The following LHFPL6 variants were observed in gnomAD, a reference collection of about 807,000 sequenced individuals.
LHFPL6 encodes LHFPL tetraspan subfamily member 6.
A neutral mutation model predicts 20.6 loss-of-function variants in LHFPL6; 9 were observed. That is an observed-to-expected ratio of 0.44 (90% confidence interval 0.26 to 0.76). The LOEUF (loss-of-function observed/expected upper bound fraction) is 0.76, where lower values mean the gene tolerates loss of function less well. Among genes scored for constraint, LHFPL6 ranks in the 30% least tolerant of loss-of-function variants. The pLI is 0.20. For synonymous variants in LHFPL6, 105 were observed against 98.7 expected (o/e 1.06, Z -0.38); for missense variants, 218 against 253.5 (o/e 0.86, Z 0.95).
At chr13:39,493,385 G>A (rs970031892) in intron 2 of LHFPL6, among the ~76,000 whole-genome samples, 3 of 151,352 alleles carry the variant, frequency 2.0e-5, no homozygotes, top group African/African-American at 7.3e-5. Flanking sequence ...AGCATTATTC[G>A]TAATACAGTA....
chr13:39,534,629 C>T (rs1870562424), intron 2 of LHFPL6, among the ~76,000 whole-genome samples: 1 of 152,248 alleles, frequency 6.6e-6, no homozygotes, highest in East Asian at 1.9e-4. Flanking sequence ...TTATTAAATG[C>T]TTATAAATGC....
At chr13:39,585,612 A>C (rs1288726888) in intron 2 of LHFPL6, among the ~76,000 whole-genome samples, 1 of 152,222 alleles carries the variant, frequency 6.6e-6, no homozygotes, top group Non-Finnish European at 1.5e-5. Context: ...GATAAATAAC[A>C]TTCATTTATT....
chr13:39,505,380 T>C (rs9315692), intron 2 of LHFPL6, among the ~76,000 whole-genome samples: 92,120 of 151,922 alleles, frequency 0.61, 28,465 homozygotes, highest in East Asian at 0.85. Flanking sequence ...AGGCCTACTA[T>C]GCATAAGGAA....
At chr13:39,585,074 C>T (rs527340227) in intron 2 of LHFPL6, among the ~76,000 whole-genome samples, 2 of 152,260 alleles carry the variant, frequency 1.3e-5, no homozygotes, top group African/African-American at 4.8e-5. Flanking sequence ...CCCCACAGCA[C>T]CCCAATACAC....
intron 2 of LHFPL6, among the ~76,000 whole-genome samples, chr13:39,434,207 C>T (rs1479527849): frequency 6.6e-6 from 1 of 152,186 alleles, no homozygotes; most frequent in East Asian, 1.9e-4. Flanking sequence ...AGACCTACTA[C>T]ATGTTGGGTA....
At chr13:39,362,705 A>G (rs1249683335) in intron 3 of LHFPL6, among the ~76,000 whole-genome samples, 3 of 152,224 alleles carry the variant, frequency 2.0e-5, no homozygotes, top group Non-Finnish European at 4.4e-5. Context: ...GAGGCAGCTC[A>G]GTTGGTTCCT....
At chr13:39,560,540 C>A (rs754113225) in intron 2 of LHFPL6, among the ~76,000 whole-genome samples, 3 of 130,136 alleles carry the variant, frequency 2.3e-5, no homozygotes, top group Admixed American at 8.7e-5. Flanking sequence ...TTTGAGACGG[C>A]GTCTCCCTCT....
chr13:39,560,913 C>A (rs1359418797), intron 2 of LHFPL6, among the ~76,000 whole-genome samples: 2 of 152,148 alleles, frequency 1.3e-5, no homozygotes, highest in Admixed American at 1.3e-4. Context: ...TCAAGACTCC[C>A]TGCTGACTGG....
At chr13:39,413,467 G>T (rs199574562) in intron 2 of LHFPL6, among the ~76,000 whole-genome samples, 110,767 of 139,826 alleles carry the variant, frequency 0.79, 44,548 homozygotes, top group South Asian at 0.87. Context: ...ATTGGGGGTA[G>T]GGGGGGTGGG....
At position 39,552,399 on chromosome 13, in the gene LHFPL6, TGTTGG is replaced by T. The variant is rs778607321; in HGVS notation, c.385+48428_385+48432del. ...TTGTTCTTAATGGCACATAAACCAT[TGTTGG>T]ACAGTGACAGTGACACACTGTCACT... On this transcript the variant is annotated intron_variant, in intron 2 of 3. Transcript: ENST00000379589. Among the ~76,000 whole-genome samples, 47 of 152,232 alleles carry T rather than the reference TGTTGG, an allele frequency of 3.1e-4. 1 individual carries two copies. The highest frequency in any genetic ancestry group is 6.8e-3 in the Middle Eastern group (2 of 294).
intron 2 of LHFPL6, among the ~76,000 whole-genome samples, chr13:39,540,890 A>G (rs1870775513): frequency 6.6e-6 from 1 of 152,220 alleles, no homozygotes; most frequent in Non-Finnish European, 1.5e-5. Context: ...TTTTCTCTCA[A>G]ACATTTAGAA....
intron 2 of LHFPL6, among the ~76,000 whole-genome samples, chr13:39,556,926 C>T (rs1199256151): frequency 1.3e-5 from 2 of 152,010 alleles, no homozygotes; most frequent in Admixed American, 6.5e-5. Flanking sequence ...CACACCACTG[C>T]AGTCCAGCCT....
intron 3 of LHFPL6, among the ~76,000 whole-genome samples, chr13:39,368,419 T>G (rs1374982341): frequency 1.3e-5 from 2 of 151,782 alleles, no homozygotes; most frequent in African/African-American, 4.8e-5. Flanking sequence ...CTGTCTCTAT[T>G]AAAAATACAA....
At chr13:39,353,571 C>A (rs1045795325) in intron 3 of LHFPL6, among the ~76,000 whole-genome samples, 22 of 151,646 alleles carry the variant, frequency 1.5e-4, no homozygotes, top group African/African-American at 2.4e-4. Context: ...CTAAAAAAAA[C>A]CAAAAAATTA....
chr13:39,397,574 C>T (rs948726583), intron 2 of LHFPL6, among the ~76,000 whole-genome samples: 2 of 152,218 alleles, frequency 1.3e-5, no homozygotes, highest in African/African-American at 4.8e-5. Context: ...AAAGTAAGGT[C>T]ATATATCCCT....
chr13:39,440,615 T>C (rs1872093416), intron 2 of LHFPL6, among the ~76,000 whole-genome samples: 1 of 152,136 alleles, frequency 6.6e-6, no homozygotes, highest in Non-Finnish European at 1.5e-5. Flanking sequence ...TTGCTGTCAT[T>C]TTTGAGACAG....
At chr13:39,473,888 C>T (rs1044584248) in intron 2 of LHFPL6, among the ~76,000 whole-genome samples, 10 of 152,192 alleles carry the variant, frequency 6.6e-5, no homozygotes, top group Non-Finnish European at 1.5e-5. Context: ...TAATTTATTT[C>T]TTCTTCTGCT....
intron 2 of LHFPL6, among the ~76,000 whole-genome samples, chr13:39,435,062 CAAAA>C (rs55701240): frequency 7.5e-5 from 4 of 53,356 alleles, no homozygotes; most frequent in African/African-American, 8.4e-5. Flanking sequence ...GACTCCGTCT[CAAAA>C]AAAAAAAAAA....
At chr13:39,466,873 A>G (rs1053105329) in intron 2 of LHFPL6, among the ~76,000 whole-genome samples, 3 of 152,224 alleles carry the variant, frequency 2.0e-5, no homozygotes, top group African/African-American at 4.8e-5. Flanking sequence ...ACTTCAGGTA[A>G]GTATATGTCA....
Sources: allele counts gnomAD v4.1 joint callset (sites outside exome capture counted in the v4.1 genomes callset), GRCh38; gene constraint gnomAD v4.1.1; transcripts MANE v1.5; gene names NCBI Gene and HGNC (gene_info 2026-07-23, HGNC 2026-07-21).